Variants in SLC13A3 observed in about 807,000 individuals in gnomAD.
SLC13A3 encodes the protein solute carrier family 13 member 3.
SLC13A3 carries 40 observed loss-of-function variants against 59.0 expected under a neutral mutation model. The ratio of observed to expected loss-of-function variants is 0.68; its 90% CI spans 0.53 to 0.88. The LOEUF is 0.88. SLC13A3 is among the 40% of genes least tolerant of loss of function. SLC13A3 has a pLI of 0.00. For missense variants in SLC13A3, 699 were observed against 783.2 expected (o/e 0.89, Z 1.28); for synonymous variants, 317 against 330.3 (o/e 0.96, Z 0.44).
chr20:46,676,543 C>T (rs2122944544), intron 1 of SLC13A3, among the ~76,000 whole-genome samples: 1 of 152,034 alleles, frequency 6.6e-6, no homozygotes, highest in Non-Finnish European at 1.5e-5. Context: ...GCACGAGCCA[C>T]TGCGCCCGGC....
At chr20:46,663,101 AC>A (rs1272204371) in intron 1 of SLC13A3, among the ~76,000 whole-genome samples, 1 of 152,162 alleles carries the variant, frequency 6.6e-6, no homozygotes, top group Non-Finnish European at 1.5e-5. Flanking sequence ...AGCCTGGGCA[AC>A]ATAGTGAGAT....
chr20:46,638,298 G>C (rs1381295575), intron 1 of SLC13A3, among the ~76,000 whole-genome samples: 1 of 152,204 alleles, frequency 6.6e-6, no homozygotes, highest in Non-Finnish European at 1.5e-5. Flanking sequence ...GCAGGGATTG[G>C]TTAATAAAAA....
chr20:46,602,024 C>T (rs564788320), intron 3 of SLC13A3, among the ~76,000 whole-genome samples: 121 of 152,222 alleles, frequency 7.9e-4, no homozygotes, highest in Middle Eastern at 6.8e-3. Flanking sequence ...AGGACAGGAG[C>T]TAACTTTGTT....
intron 1 of SLC13A3, among the ~76,000 whole-genome samples, chr20:46,639,571 A>T (rs374001251): frequency 6.6e-6 from 1 of 152,054 alleles, no homozygotes; most frequent in Admixed American, 6.5e-5. Context: ...GTCTCCATAA[A>T]CTCCAATCTT....
At chr20:46,567,570 A>G (rs753539374) in intron 10 of SLC13A3, among the ~76,000 whole-genome samples, 2 of 152,098 alleles carry the variant, frequency 1.3e-5, no homozygotes, top group Non-Finnish European at 2.9e-5. Flanking sequence ...TCTGTAAATT[A>G]AGAGCAATGC....
rs766878523 is a variant in SLC13A3, at chr20:46,563,377, C to A, written c.1632+37G>T. The A allele has an allele frequency of 1.5e-5, 24 of 1,599,334 alleles. No homozygotes were observed. The Admixed American group carries it at 3.6e-4, about 24-fold the overall frequency. Reference sequence around the variant, plus strand: ...TGCCCGCCCCCTTGCGGCCCACCCACATCCCGGGGCCTCTGCTGGGAAATG... The same window carrying A: ...TGCCCGCCCCCTTGCGGCCCACCCAAATCCCGGGGCCTCTGCTGGGAAATG... On this transcript the variant is annotated intron_variant, in intron 12 of 12. Transcript: ENST00000279027.
chr20:46,631,374 CAAG>C (rs1466998817), intron 1 of SLC13A3, among the ~76,000 whole-genome samples: 2 of 152,154 alleles, frequency 1.3e-5, no homozygotes, highest in Non-Finnish European at 2.9e-5. Flanking sequence ...GTGGTTGTCC[CAAG>C]AAGGAAAGTG....
intron 1 of SLC13A3, among the ~76,000 whole-genome samples, chr20:46,635,386 T>C (rs1470278545): frequency 6.6e-6 from 1 of 152,176 alleles, no homozygotes; most frequent in Non-Finnish European, 1.5e-5. Context: ...GCCGCGTCCA[T>C]GCAAAGTGAC....
intron 5 of SLC13A3, among the ~76,000 whole-genome samples, chr20:46,595,665 C>T (rs1459764022): frequency 6.6e-6 from 1 of 152,214 alleles, no homozygotes; most frequent in Non-Finnish European, 1.5e-5. Context: ...CTTCCCTTCG[C>T]CCCAGGCTCT....
chr20:46,659,268 T>C (rs1050630982), intron 1 of SLC13A3, among the ~76,000 whole-genome samples: 3 of 152,246 alleles, frequency 2.0e-5, no homozygotes, highest in Non-Finnish European at 4.4e-5. Flanking sequence ...TTGTATCAAC[T>C]GATTATATTT....
intron 1 of SLC13A3, among the ~76,000 whole-genome samples, chr20:46,619,304 C>T (rs2062591567): frequency 6.6e-6 from 1 of 152,180 alleles, no homozygotes; most frequent in Admixed American, 6.5e-5. Context: ...GAGCCAAACC[C>T]AGTTGAGAGA....
At chr20:46,600,142 T>G in intron 3 of SLC13A3, 105 bp from the exon 4 acceptor site, 2 of 676,422 alleles carry the variant, frequency 3.0e-6, no homozygotes, top group Non-Finnish European at 4.6e-6. Context: ...CCAAGGATCC[T>G]ATACTACTCA....
At chr20:46,622,997 C>A (rs2122781620) in intron 1 of SLC13A3, among the ~76,000 whole-genome samples, 1 of 152,250 alleles carries the variant, frequency 6.6e-6, no homozygotes. Flanking sequence ...AGCTCCAAGC[C>A]CTTCTGGCTT....
At chr20:46,635,075 G>A (rs1356631318) in intron 1 of SLC13A3, among the ~76,000 whole-genome samples, 1 of 152,164 alleles carries the variant, frequency 6.6e-6, no homozygotes, top group Non-Finnish European at 1.5e-5. Context: ...TCTGTGACCA[G>A]GGGACCAAGG....
intron 3 of SLC13A3, chr20:46,609,153 G>A: frequency 6.9e-7 from 1 of 1,443,848 alleles, no homozygotes; most frequent in Non-Finnish European, 9.2e-7. Context: ...ATACAGTTAT[G>A]TAAATTAAAA....
intron 3 of SLC13A3, among the ~76,000 whole-genome samples, chr20:46,602,135 C>T (rs2062386134): frequency 6.6e-6 from 1 of 152,100 alleles, no homozygotes; most frequent in Middle Eastern, 3.2e-3. Context: ...GAGTTTGAAA[C>T]TAGCCTGAGC....
At chr20:46,673,279 G>T (rs575025117), upstream of SLC13A3, among the ~76,000 whole-genome samples, 1 of 152,114 alleles carries the variant, frequency 6.6e-6, no homozygotes, top group African/African-American at 2.4e-5. Flanking sequence ...GAAATAACAC[G>T]CTATGTGAGG....
intron 1 of SLC13A3, among the ~76,000 whole-genome samples, chr20:46,649,231 G>A (rs140446413): frequency 2.0e-5 from 3 of 152,184 alleles, no homozygotes; most frequent in African/African-American, 2.4e-5. Flanking sequence ...TACATCCCAG[G>A]GGCTCTCCCT....
chr20:46,631,374 C>G (rs2062734549), intron 1 of SLC13A3, among the ~76,000 whole-genome samples: 1 of 152,154 alleles, frequency 6.6e-6, no homozygotes, highest in Admixed American at 6.5e-5. Context: ...GTGGTTGTCC[C>G]AAGAAGGAAA....
Sources: allele counts gnomAD v4.1 joint callset (sites outside exome capture counted in the v4.1 genomes callset), GRCh38; gene constraint gnomAD v4.1.1; transcripts MANE v1.5; gene names NCBI Gene and HGNC (gene_info 2026-07-23, HGNC 2026-07-21).